MARCHF1: variants seen among roughly 807,000 people sequenced by gnomAD.
MARCHF1 encodes the protein E3 ubiquitin-protein ligase MARCHF1.
MARCHF1 carries 40 observed loss-of-function variants against 54.2 expected under a neutral mutation model. The observed-to-expected ratio is 0.74, with a 90% confidence interval of 0.57 to 0.96. MARCHF1 has a LOEUF of 0.96. Among genes scored for constraint, MARCHF1 ranks in the 40% least tolerant of loss-of-function variants. The pLI, the probability that MARCHF1 is intolerant of heterozygous loss-of-function variation, is 0.00. For missense variants in MARCHF1, 586 were observed against 656.5 expected (o/e 0.89, Z 1.17); for synonymous variants, 236 against 236.3 (o/e 1.00, Z 0.01).
intron 3 of MARCHF1, among the ~76,000 whole-genome samples, chr4:163,855,398 A>G (rs1228363362): frequency 6.6e-6 from 1 of 152,178 alleles, no homozygotes; most frequent in Non-Finnish European, 1.5e-5. Flanking sequence ...ACATTGCTTG[A>G]GATTTATGTA....
intron 4 of MARCHF1, among the ~76,000 whole-genome samples, chr4:163,790,993 G>A (rs933058955): frequency 6.6e-6 from 1 of 152,072 alleles, no homozygotes; most frequent in East Asian, 1.9e-4. Flanking sequence ...TTTGAAAAAA[G>A]AGTAACAAAA....
intron 3 of MARCHF1, among the ~76,000 whole-genome samples, chr4:163,955,369 C>CAAAAAAA: frequency 1.1e-5 from 1 of 93,870 alleles, no homozygotes; most frequent in African/African-American, 3.8e-5. Context: ...AAAAACAAAG[C>CAAAAAAA]AAAAAAAAAA....
chr4:164,380,903 C>T (rs1396902645), intron 1 of MARCHF1, among the ~76,000 whole-genome samples: 1 of 152,108 alleles, frequency 6.6e-6, no homozygotes, highest in African/African-American at 2.4e-5. Flanking sequence ...CATGAAAAAG[C>T]CCAGAAGACA....
chr4:163,539,806 G>T (rs1000744877), intron 9 of MARCHF1, among the ~76,000 whole-genome samples: 1 of 152,178 alleles, frequency 6.6e-6, no homozygotes, highest in African/African-American at 2.4e-5. Flanking sequence ...TATGTATATT[G>T]TATTTGTTAG....
At chr4:163,864,361 C>T (rs1035616784) in intron 3 of MARCHF1, among the ~76,000 whole-genome samples, 1 of 151,852 alleles carries the variant, frequency 6.6e-6, no homozygotes, top group African/African-American at 2.4e-5. Flanking sequence ...GAGGAACACT[C>T]TACAACAAAC....
At chr4:163,683,686 C>A (rs17044030) in intron 5 of MARCHF1, among the ~76,000 whole-genome samples, 1,920 of 152,242 alleles carry the variant, frequency 0.013, 44 homozygotes, top group African/African-American at 0.042. Context: ...GGTAAAGGGA[C>A]CTGCTTGGAA....
intron 4 of MARCHF1, among the ~76,000 whole-genome samples, chr4:163,718,462 A>G (rs1250696782): frequency 6.6e-6 from 1 of 152,194 alleles, no homozygotes; most frequent in Non-Finnish European, 1.5e-5. Context: ...TACAAGAAAA[A>G]AACATTTATT....
At chr4:164,020,888 G>T (rs1372415904) in intron 2 of MARCHF1, among the ~76,000 whole-genome samples, 3 of 152,292 alleles carry the variant, frequency 2.0e-5, no homozygotes, top group South Asian at 4.1e-4. Flanking sequence ...CTGTGATAGT[G>T]CTACTGCACT....
rs770355579 is a variant in MARCHF1, at chr4:163,889,924, T to TC, written c.-38-35756_-38-35755insG. On this transcript the variant is annotated intron_variant, in intron 3 of 9. Transcript: ENST00000514618. ...AAACTTCGTTTATTTATTTTCTTTTTTCTTTTTTTTTTTTTTTTGAGATGG... is the reference window on the plus strand; with the variant it reads ...AAACTTCGTTTATTTATTTTCTTTTTCTCTTTTTTTTTTTTTTTTGAGATGG... Among the ~76,000 whole-genome samples, 46 of 114,880 alleles carry TC rather than the reference T, an allele frequency of 4.0e-4. 3 individuals carry two copies. The highest frequency in any genetic ancestry group is 5.5e-4 in the Non-Finnish European group (31 of 56,038). The allele number at this position is 114,880 out of a possible 152,430, so 75.4% of individuals were successfully genotyped here.
intron 4 of MARCHF1, among the ~76,000 whole-genome samples, chr4:163,763,025 G>A (rs1282011702): frequency 6.6e-6 from 1 of 152,022 alleles, no homozygotes; most frequent in African/African-American, 2.4e-5. Context: ...GTAGCATTCT[G>A]AGCACAATTT....
In MARCHF1 at chr4:164,145,615, T is replaced by C. The variant is rs76768650; in HGVS notation, c.-322-33953A>G. On this transcript the variant is annotated intron_variant, in intron 1 of 9. Transcript: ENST00000514618. ...GATTCAGAAAAGGCCTTCGACAAAA[T>C]TCAACAACCTTCATGCCAAAAACTC... Among the ~76,000 whole-genome samples the C allele has an allele frequency of 8.6e-3, 1,305 of 152,218 alleles. 19 individuals are homozygous for C. Among genetic ancestry groups the C allele is most frequent in the Non-Finnish European group, 0.014 (967 of 68,026 alleles).
At chr4:164,094,023 T>TA (rs1381392855) in intron 2 of MARCHF1, among the ~76,000 whole-genome samples, 1 of 152,116 alleles carries the variant, frequency 6.6e-6, no homozygotes, top group Non-Finnish European at 1.5e-5. Context: ...TTCACCTCTC[T>TA]AGGTTTCAGT....
chr4:164,203,939 T>C (rs1199202907), intron 1 of MARCHF1, among the ~76,000 whole-genome samples: 2 of 152,226 alleles, frequency 1.3e-5, no homozygotes, highest in African/African-American at 4.8e-5. Context: ...TACAGAAAAG[T>C]TAACTTTAAT....
intron 5 of MARCHF1, among the ~76,000 whole-genome samples, chr4:163,629,729 G>A (rs1179811233): frequency 1.3e-5 from 2 of 152,184 alleles, no homozygotes; most frequent in Non-Finnish European, 1.5e-5. Flanking sequence ...AATACCTAAT[G>A]TAGGTGAAGG....
At chr4:164,060,452 A>G (rs17613361) in intron 2 of MARCHF1, among the ~76,000 whole-genome samples, 24,606 of 152,120 alleles carry the variant, frequency 0.16, 2,112 homozygotes, top group Middle Eastern at 0.22. Flanking sequence ...GAAGATTATA[A>G]TCACACACTA....
intron 2 of MARCHF1, among the ~76,000 whole-genome samples, chr4:164,028,767 A>G (rs1372870760): frequency 2.0e-5 from 3 of 152,158 alleles, no homozygotes; most frequent in African/African-American, 4.8e-5. Context: ...CCTTAGTTAT[A>G]CTGGCTACAT....
chr4:163,813,558 A>G (rs1748452191), intron 4 of MARCHF1, among the ~76,000 whole-genome samples: 1 of 152,212 alleles, frequency 6.6e-6, no homozygotes. Flanking sequence ...AAATTAAAGA[A>G]CAAAAACTGA....
chr4:164,360,096 C>G (rs1257549561), intron 1 of MARCHF1, among the ~76,000 whole-genome samples: 1 of 152,080 alleles, frequency 6.6e-6, no homozygotes, highest in Non-Finnish European at 1.5e-5. Context: ...TTATCTCATT[C>G]ATTGTCCTTG....
rs547204359 is a variant in MARCHF1, at chr4:163,830,718, G to T, written c.111+23303C>A. On this transcript the variant is annotated intron_variant, in intron 4 of 9. Coordinates refer to ENST00000514618, the MANE Select transcript of MARCHF1 (RefSeq NM_001394959.1). ...CACTTGAGCCAGCGGTTCAAGACCA[G>T]CCTGGGCAACAGAGTGACACCCCAG... 2.8e-4 allele frequency among the ~76,000 whole-genome samples: 42 copies of T among 152,140 alleles called. 1 individual carries two copies. In the South Asian group the frequency reaches 8.3e-3, roughly 30 times the overall value.
Sources: gnomAD v4.1 joint callset for allele counts (sites outside exome capture counted in the v4.1 genomes callset) on GRCh38, gnomAD v4.1.1 for gene constraint, MANE v1.5 for transcripts, NCBI Gene and HGNC (gene_info 2026-07-23, HGNC 2026-07-21) for gene names.